The following RSRP1 variants were observed in gnomAD, a reference collection of about 807,000 sequenced individuals.
RSRP1 encodes the protein arginine and serine rich protein 1.
In RSRP1, 37 loss-of-function variants were observed where a neutral mutation model predicts 33.0. The observed-to-expected ratio is 1.12, with a 90% confidence interval of 0.86 to 1.48. The LOEUF is 1.48. Among genes scored for constraint, RSRP1 ranks in the 40% most tolerant of loss-of-function variants. The pLI is 0.00. For synonymous variants in RSRP1, 167 were observed against 158.7 expected, an observed-to-expected ratio of 1.05 and a Z score of -0.40; for missense variants, 402 against 385.3, an observed-to-expected ratio of 1.04 and a Z score of -0.36.
At chr1:25,253,981 GATAC>G (rs1182600184) in intron 1 of RSRP1, 8 of 152,358 alleles carry the variant, frequency 5.3e-5, no homozygotes, top group African/African-American at 1.9e-4. Flanking sequence ...TGACACAGAT[GATAC>G]ATTTGTTGAT....
chr1:25,311,139 C>T (rs1644124528), intron 1 of RSRP1, among the ~76,000 whole-genome samples: 1 of 131,908 alleles, frequency 7.6e-6, no homozygotes, highest in East Asian at 2.0e-4. Flanking sequence ...TGGTAAAGGC[C>T]ATTCTGATGA....
At chr1:25,290,559 G>T in intron 1 of RSRP1, 1 of 1,060,446 alleles carries the variant, frequency 9.4e-7, no homozygotes, top group South Asian at 1.3e-5. Flanking sequence ...TTGAAAGAAT[G>T]AATGAATGAA....
At position 25,245,179 on chromosome 1, in the gene RSRP1, C is replaced by G. The variant is rs1639249770; in HGVS notation, c.643G>C (p.Gly215Arg). The G allele has an allele frequency of 6.2e-7, 1 of 1,614,146 alleles. No individual in the cohort carries two copies. Among genetic ancestry groups the G allele is most frequent in the East Asian group, 2.2e-5 (1 of 44,878 alleles). Residue 215 changes from glycine (G) to arginine (R), a missense_variant, in exon 3 of 5, where the codon GGT becomes CGT. Coordinates refer to ENST00000243189, the MANE Select transcript of RSRP1 (RefSeq NM_020317.5). ...PSAKETSRGI[G>R]VSSNGAKPEL... ...GGCTTTGCACCATTACTTGATACAC[C>G]TATTCCACGGCTTGTTTCTTTGGCT...
intron 1 of RSRP1, chr1:25,267,052 C>T (rs2124568010): frequency 9.0e-6 from 1 of 110,918 alleles, no homozygotes; most frequent in Admixed American, 8.5e-5. Context: ...GACTCCTTGA[C>T]GGTGATTCCA....
intron 1 of RSRP1, among the ~76,000 whole-genome samples, chr1:25,332,676 A>T (rs149910572): frequency 7.5e-6 from 1 of 132,646 alleles, no homozygotes; most frequent in Non-Finnish European, 1.8e-5. Context: ...AAATGCATAA[A>T]GTCCCTGTCC....
At chr1:25,253,656 G>C (rs544942425) in intron 1 of RSRP1, 3 of 152,248 alleles carry the variant, frequency 2.0e-5, no homozygotes, top group African/African-American at 7.2e-5. Flanking sequence ...CACGGCGCCC[G>C]GCCTATGCCC....
chr1:25,316,584 G>A (rs1342101126), intron 1 of RSRP1, among the ~76,000 whole-genome samples: 33 of 84,726 alleles, frequency 3.9e-4, no homozygotes, highest in African/African-American at 1.1e-3. Flanking sequence ...CAGTCTGGAC[G>A]ACAGAGTGAG....
At chr1:25,295,544 C>T (rs1456173762) in intron 1 of RSRP1, among the ~76,000 whole-genome samples, 3 of 102,270 alleles carry the variant, frequency 2.9e-5, no homozygotes, top group Admixed American at 1.0e-4. Flanking sequence ...ACTGAGGCTT[C>T]GGAGGCAACA....
Position 25,309,678 on chromosome 1 carries a change from A to G in RSRP1, c.-67+28300T>C, listed in dbSNP as rs1212778885. Among the ~76,000 whole-genome samples, 2 of 131,946 alleles carry G rather than the reference A, an allele frequency of 1.5e-5. 1 individual carries two copies. Among genetic ancestry groups the G allele is most frequent in the Non-Finnish European group, 3.6e-5 (2 of 55,926 alleles). The allele number at this position is 131,946 out of a possible 152,430, so 86.6% of individuals were successfully genotyped here. ...CCAAGCTTTGTGGACAGGCCTGCCT[A>G]GTTTGAATCCCAAGAGCCACCCAGT... is the stretch of plus-strand genomic sequence containing the variant. On this transcript the variant is annotated intron_variant, in intron 1 of 1. Coordinates refer to the RSRP1 transcript ENST00000561867.
At chr1:25,329,247 T>TTG in intron 1 of RSRP1, 1 of 640,674 alleles carries the variant, frequency 1.6e-6, no homozygotes, top group Admixed American at 3.3e-5. Flanking sequence ...GTTTTTTTTT[T>TTG]TTTTTTTTTT....
Position 25,290,656 on chromosome 1 carries a change from C to T in RSRP1, c.-66-43627G>A. 3 of 1,378,674 alleles carry T rather than the reference C, an allele frequency of 2.2e-6. 1 individual carries two copies. The highest frequency in any genetic ancestry group is 3.1e-6 in the Non-Finnish European group (3 of 978,414). The allele number at this position is 1,378,674 out of a possible 1,614,324, so 85.4% of individuals were successfully genotyped here. ...TCTCCCCCAGTATTCGGCTGGCCACCATGAGTGCTTTGTCGGTGCTGATCT... is the reference window on the plus strand; with the variant it reads ...TCTCCCCCAGTATTCGGCTGGCCACTATGAGTGCTTTGTCGGTGCTGATCT... On this transcript the variant is annotated intron_variant, in intron 1 of 1. Coordinates refer to the RSRP1 transcript ENST00000561867.
At chr1:25,285,756 C>G (rs1156457991) in intron 1 of RSRP1, among the ~76,000 whole-genome samples, 2 of 135,168 alleles carry the variant, frequency 1.5e-5, no homozygotes, top group African/African-American at 5.1e-5. Flanking sequence ...AGGAAGTAGG[C>G]TAAATTTTTT....
At chr1:25,244,501 A>G (rs747578496) in intron 3 of RSRP1, 34 of 1,289,342 alleles carry the variant, frequency 2.6e-5, no homozygotes, top group Middle Eastern at 4.3e-4. Flanking sequence ...CATGATTTCT[A>G]TAAGACAGAA....
intron 1 of RSRP1, chr1:25,329,606 T>C (rs1333811046): frequency 7.1e-6 from 1 of 140,852 alleles, no homozygotes; most frequent in Non-Finnish European, 1.7e-5. Context: ...ACTGCAATCA[T>C]GTGCTTCATA....
intron 1 of RSRP1, among the ~76,000 whole-genome samples, chr1:25,310,007 T>C (rs551172124): frequency 1.5e-5 from 2 of 132,884 alleles, no homozygotes; most frequent in South Asian, 4.6e-4. Flanking sequence ...CCAACTTATA[T>C]AGTATAAGCT....
rs1378785794 is a variant in RSRP1, at chr1:25,246,642, G to C, written c.322C>G (p.Pro108Ala). 2.5e-6 allele frequency: 4 copies of C among 1,613,948 alleles called. No homozygotes were observed. The African/African-American group carries it at 5.3e-5, about 22-fold the overall frequency. ...YGFTRRYYRSPSRYRSRSRSR... is the reference protein window; with the variant it reads ...YGFTRRYYRSASRYRSRSRSR... ...CGGGACCGGGACCGGTACCGCGAAG[G>C]AGACCGGTAGTATCTCCTGGTGAAC... The change falls in exon 2 of 5, where the codon CCT (proline) becomes GCT (alanine). Residue 108 changes from proline (P) to alanine (A), a missense_variant. Transcript: ENST00000243189.
In RSRP1 at chr1:25,275,403, C is replaced by G. The variant is rs1640876323; in HGVS notation, c.-66-28374G>C. On this transcript the variant is annotated intron_variant, in intron 1 of 1. Transcript: ENST00000561867. The stretch of plus-strand genomic sequence containing the variant: ...GTCCGAATAGTAAACAGCAGCGAGA[C>G]AAGTTTGGGTTTGGGTCATGGAGGA... 1.5e-5 allele frequency among the ~76,000 whole-genome samples: 2 copies of G among 132,106 alleles called. 1 individual carries two copies. Among genetic ancestry groups the G allele is most frequent in the South Asian group, 4.7e-4 (2 of 4,256 alleles). The allele number at this position is 132,106 out of a possible 152,430, so 86.7% of individuals were successfully genotyped here.
upstream of RSRP1, among the ~76,000 whole-genome samples, chr1:25,249,847 G>A (rs996800049): frequency 6.6e-6 from 1 of 152,158 alleles, no homozygotes; most frequent in Non-Finnish European, 1.5e-5. Flanking sequence ...TTAGTTATTA[G>A]AACATCTAGC....
intron 1 of RSRP1, chr1:25,329,072 C>G (rs758070716): frequency 7.6e-7 from 1 of 1,321,884 alleles, no homozygotes; most frequent in Admixed American, 1.9e-5. Flanking sequence ...GGAGTTGAAT[C>G]CTTTCTCTGC....
Sources: allele counts gnomAD v4.1 joint callset (sites outside exome capture counted in the v4.1 genomes callset), GRCh38; gene constraint gnomAD v4.1.1; transcripts MANE v1.5; gene names NCBI Gene and HGNC (gene_info 2026-07-23, HGNC 2026-07-21).